SLC4A4: variants seen among roughly 807,000 people sequenced by gnomAD.
SLC4A4 encodes the protein electrogenic sodium bicarbonate cotransporter 1.
Under a neutral mutation model 111.5 loss-of-function variants are expected in SLC4A4, and 27 were observed. That is an observed-to-expected ratio of 0.24 (90% CI 0.18 to 0.33). The LOEUF (loss-of-function observed/expected upper bound fraction) is 0.33. SLC4A4 is among the 10% of genes least tolerant of loss of function. SLC4A4 has a pLI of 1.00. For synonymous variants in SLC4A4, 443 were observed against 463.4 expected, an observed-to-expected ratio of 0.96 and a Z score of 0.57; for missense variants, 909 against 1,315.5, an observed-to-expected ratio of 0.69 and a Z score of 4.78.
intron 6 of SLC4A4, among the ~76,000 whole-genome samples, chr4:71,370,806 G>A (rs955757186): frequency 5.3e-5 from 8 of 151,990 alleles, no homozygotes; most frequent in Admixed American, 3.9e-4. Context: ...TATTTTTGTC[G>A]ATAAAGTGTC....
chr4:71,462,680 A>T (rs986698856), intron 12 of SLC4A4, among the ~76,000 whole-genome samples: 2 of 152,092 alleles, frequency 1.3e-5, no homozygotes, highest in African/African-American at 4.8e-5. Context: ...AAGTGCTGGG[A>T]TTACAGGCGT....
At chr4:71,210,395 C>T (rs1030869562) in intron 1 of SLC4A4, among the ~76,000 whole-genome samples, 1 of 152,204 alleles carries the variant, frequency 6.6e-6, no homozygotes, top group African/African-American at 2.4e-5. Flanking sequence ...TAATGTATTT[C>T]TAGAACCAAA....
chr4:71,347,919 A>C (rs761351884), intron 4 of SLC4A4, among the ~76,000 whole-genome samples: 5 of 152,190 alleles, frequency 3.3e-5, no homozygotes, highest in Non-Finnish European at 7.4e-5. Flanking sequence ...GAAATCAAGG[A>C]GTCATTACAC....
intron 16 of SLC4A4, among the ~76,000 whole-genome samples, chr4:71,509,661 G>A (rs1051785876): frequency 6.6e-6 from 1 of 152,172 alleles, no homozygotes; most frequent in Non-Finnish European, 1.5e-5. Context: ...AGCAGGCTGT[G>A]TGGCCAGCAA....
At chr4:71,378,005 T>A (rs1732575476) in intron 6 of SLC4A4, among the ~76,000 whole-genome samples, 1 of 152,088 alleles carries the variant, frequency 6.6e-6, no homozygotes, top group Admixed American at 6.5e-5. Context: ...CAGAAACCCC[T>A]GATAAACCCA....
intron 2 of SLC4A4, among the ~76,000 whole-genome samples, chr4:71,164,303 C>T (rs902402145): frequency 1.3e-5 from 2 of 151,580 alleles, no homozygotes; most frequent in African/African-American, 4.9e-5. Flanking sequence ...ATCGCTTGAA[C>T]CTGGGAGGTG....
intron 7 of SLC4A4, among the ~76,000 whole-genome samples, chr4:71,398,144 G>A (rs1439678312): frequency 6.6e-6 from 1 of 151,956 alleles, no homozygotes; most frequent in Non-Finnish European, 1.5e-5. Flanking sequence ...AATTAGCCAG[G>A]CACGGTGGCA....
intron 1 of SLC4A4, among the ~76,000 whole-genome samples, chr4:71,222,922 T>G (rs142582658): frequency 1.1e-3 from 167 of 152,244 alleles, no homozygotes; most frequent in African/African-American, 3.9e-3. Flanking sequence ...ATGTAGTGGG[T>G]TTGTGCTTTG....
At chr4:71,126,474 A>G (rs1181518373) in intron 2 of SLC4A4, among the ~76,000 whole-genome samples, 2 of 152,194 alleles carry the variant, frequency 1.3e-5, no homozygotes, top group African/African-American at 4.8e-5. Flanking sequence ...TTTCACCAGG[A>G]CAAGATAAAT....
At chr4:71,359,996 C>T (rs181089507) in intron 6 of SLC4A4, among the ~76,000 whole-genome samples, 6 of 152,032 alleles carry the variant, frequency 3.9e-5, no homozygotes, top group African/African-American at 9.7e-5. Context: ...CTAATCTGCT[C>T]GGGAGAGCCA....
chr4:71,376,696 G>A (rs140046938), intron 6 of SLC4A4, among the ~76,000 whole-genome samples: 2,434 of 151,742 alleles, frequency 0.016, 73 homozygotes, highest in African/African-American at 0.056. Context: ...GGAGTGCAGT[G>A]GTGCGATCTG....
intron 1 of SLC4A4, among the ~76,000 whole-genome samples, chr4:71,079,223 C>A (rs1424112290): frequency 6.6e-6 from 1 of 152,126 alleles, no homozygotes; most frequent in Non-Finnish European, 1.5e-5. Flanking sequence ...ATCATCATTA[C>A]CCATGAGACA....
At chr4:71,505,910 G>A (rs982723266) in intron 16 of SLC4A4, among the ~76,000 whole-genome samples, 3 of 151,992 alleles carry the variant, frequency 2.0e-5, no homozygotes, top group Non-Finnish European at 4.4e-5. Flanking sequence ...TCTACATATG[G>A]CTAGCTAGTT....
intron 22 of SLC4A4, among the ~76,000 whole-genome samples, chr4:71,558,934 TTATCTGCC>T (rs1225408979): frequency 3.4e-4 from 51 of 152,008 alleles, no homozygotes; most frequent in African/African-American, 1.1e-3. Context: ...CCTATTAGTG[TTATCTGCC>T]TACCTACAAA....
At position 71,543,786 on chromosome 4, in the gene SLC4A4, C is replaced by T. The variant is rs185221098; in HGVS notation, c.2443-2564C>T. Among the ~76,000 whole-genome samples, 248 of 152,096 alleles carry T rather than the reference C, an allele frequency of 1.6e-3. 1 individual carries two copies. The highest frequency in any genetic ancestry group is 3.4e-3 in the Middle Eastern group (1 of 294). ...CTGCTGGTACTTCTAATATGGACTTCAGTGATTTAGTCTAAAGAGGGCATA... is the reference window on the plus strand; with the variant it reads ...CTGCTGGTACTTCTAATATGGACTTTAGTGATTTAGTCTAAAGAGGGCATA... On this transcript the variant is annotated intron_variant, in intron 18 of 25. Transcript: ENST00000264485.
intron 20 of SLC4A4, among the ~76,000 whole-genome samples, chr4:71,554,765 A>C (rs955013901): frequency 6.6e-6 from 1 of 151,844 alleles, no homozygotes; most frequent in Non-Finnish European, 1.5e-5. Context: ...GCAACCATCT[A>C]TTAATACCTC....
At chr4:71,364,116 C>T (rs1731036400) in intron 6 of SLC4A4, among the ~76,000 whole-genome samples, 1 of 152,138 alleles carries the variant, frequency 6.6e-6, no homozygotes, top group African/African-American at 2.4e-5. Flanking sequence ...AAGAGTTGGG[C>T]TTAGGAGATA....
At chr4:71,218,307 T>C (rs1718550744) in intron 1 of SLC4A4, among the ~76,000 whole-genome samples, 1 of 152,240 alleles carries the variant, frequency 6.6e-6, no homozygotes, top group Non-Finnish European at 1.5e-5. Flanking sequence ...TTGTCTCAAC[T>C]GGTTATGGTT....
At chr4:71,248,608 A>G (rs1720847621) in intron 2 of SLC4A4, among the ~76,000 whole-genome samples, 1 of 152,120 alleles carries the variant, frequency 6.6e-6, no homozygotes, top group Admixed American at 6.6e-5. Flanking sequence ...TAATTCCTTA[A>G]GGTAGATTCC....
Sources: gnomAD v4.1 joint callset for allele counts (sites outside exome capture counted in the v4.1 genomes callset) on GRCh38, gnomAD v4.1.1 for gene constraint, MANE v1.5 for transcripts, NCBI Gene and HGNC (gene_info 2026-07-23, HGNC 2026-07-21) for gene names.